The following PDE4B variants were observed in gnomAD, a reference collection of about 807,000 sequenced individuals.
The protein encoded by PDE4B is 3',5'-cyclic-AMP phosphodiesterase 4B.
A neutral mutation model predicts 82.2 loss-of-function variants in PDE4B; 20 were observed. The ratio of observed to expected loss-of-function variants is 0.24; its 90% confidence interval spans 0.17 to 0.35. The LOEUF is 0.35. PDE4B is among the 10% of genes least tolerant of loss of function. The pLI is 1.00. For synonymous variants in PDE4B, 320 were observed against 318.9 expected (o/e 1.00, Z -0.04); for missense variants, 655 against 907.2 (o/e 0.72, Z 3.57).
rs772385150 is a variant in PDE4B at position 66,373,445 on chromosome 1, G to C, written c.*767G>C. ...GGGGGTAGAAAGGAGCAGTGGTGTC[G>C]TTCACCGTGAGAGTCTGCATAGAAC... On this transcript the variant is annotated 3_prime_UTR_variant, in exon 17 of 17. Transcript: ENST00000341517. 6.6e-6 allele frequency: 1 copy of C among 152,616 alleles called. No individual in the cohort carries two copies. The highest frequency in any genetic ancestry group is 1.5e-5 in the Non-Finnish European group (1 of 68,096). The allele number at this position is 152,616 out of a possible 1,614,324, so 9.5% of individuals were successfully genotyped here. A position where few individuals can be genotyped will look rare whatever the true frequency, so the allele number is the denominator to read the frequency against.
chr1:66,024,719 A>T (rs1653341333), intron 3 of PDE4B, among the ~76,000 whole-genome samples: 1 of 152,098 alleles, frequency 6.6e-6, no homozygotes, highest in Non-Finnish European at 1.5e-5. Context: ...ATAGATGGAT[A>T]GATGAATCTT....
At chr1:66,305,357 A>G (rs1256635342) in intron 7 of PDE4B, among the ~76,000 whole-genome samples, 1 of 152,202 alleles carries the variant, frequency 6.6e-6, no homozygotes, top group Non-Finnish European at 1.5e-5. Flanking sequence ...AGAGATATGA[A>G]AAATAGTCTT....
chr1:66,140,430 A>G (rs1275974482), intron 3 of PDE4B, among the ~76,000 whole-genome samples: 1 of 152,254 alleles, frequency 6.6e-6, no homozygotes, highest in African/African-American at 2.4e-5. Flanking sequence ...TAAGCAGCAT[A>G]AAATATAATT....
chr1:65,960,667 A>G (rs4638095), intron 3 of PDE4B, among the ~76,000 whole-genome samples: 97,928 of 151,926 alleles, frequency 0.64, 31,702 homozygotes, highest in African/African-American at 0.68. Context: ...ACATTCAAAA[A>G]TAATGACCAT....
chr1:66,105,415 C>T lies in PDE4B; in HGVS notation c.282-142045C>T, dbSNP rs554088604. ...TTCTTTTGGCTTAGGATTGACTTGGCGATGCGGGCTCTTTTTTGGTTCCAT... is the reference window on the plus strand; with the variant it reads ...TTCTTTTGGCTTAGGATTGACTTGGTGATGCGGGCTCTTTTTTGGTTCCAT... On this transcript the variant is annotated intron_variant, in intron 3 of 16. Coordinates refer to ENST00000341517, the MANE Select transcript of PDE4B (RefSeq NM_002600.4). 1.8e-4 allele frequency among the ~76,000 whole-genome samples: 28 copies of T among 152,004 alleles called. No homozygotes were observed. The South Asian group carries it at 2.9e-3, about 16-fold the overall frequency.
intron 3 of PDE4B, among the ~76,000 whole-genome samples, chr1:65,945,701 A>C (rs1648678795): frequency 6.6e-6 from 1 of 151,956 alleles, no homozygotes; most frequent in Non-Finnish European, 1.5e-5. Context: ...TGTATGTAAG[A>C]CCACTTTCTA....
At chr1:65,834,366 G>A (rs756307578) in intron 1 of PDE4B, among the ~76,000 whole-genome samples, 1 of 152,160 alleles carries the variant, frequency 6.6e-6, no homozygotes, top group African/African-American at 2.4e-5. Context: ...TTTGGGATAT[G>A]ATGTTGAGTT....
chr1:66,313,355 A>G (rs986740891), intron 7 of PDE4B, among the ~76,000 whole-genome samples: 2 of 152,246 alleles, frequency 1.3e-5, no homozygotes, highest in African/African-American at 2.4e-5. Flanking sequence ...TAAGTGCCTC[A>G]GTGGCAGTGA....
At chr1:66,221,462 A>G (rs1431753259) in intron 3 of PDE4B, among the ~76,000 whole-genome samples, 2 of 152,200 alleles carry the variant, frequency 1.3e-5, no homozygotes, top group Non-Finnish European at 1.5e-5. Flanking sequence ...AATCCATGGT[A>G]CTTTACTTTT....
intron 1 of PDE4B, among the ~76,000 whole-genome samples, chr1:65,815,850 T>C (rs1201632299): frequency 6.6e-6 from 1 of 152,236 alleles, no homozygotes; most frequent in East Asian, 1.9e-4. Flanking sequence ...TACATATTGC[T>C]ATATAAGGAA....
chr1:66,248,477 T>C (rs896745926), intron 4 of PDE4B, among the ~76,000 whole-genome samples: 20 of 152,230 alleles, frequency 1.3e-4, no homozygotes, highest in African/African-American at 4.6e-4. Flanking sequence ...AATTTCACCC[T>C]CTGGTGAAAG....
intron 1 of PDE4B, among the ~76,000 whole-genome samples, chr1:65,842,331 A>G (rs778167981): frequency 1.3e-5 from 2 of 152,170 alleles, no homozygotes; most frequent in Admixed American, 6.6e-5. Flanking sequence ...TAATTCATAT[A>G]TGAAAGAGTT....
At chr1:65,955,673 C>A (rs958610528) in intron 3 of PDE4B, among the ~76,000 whole-genome samples, 1 of 152,140 alleles carries the variant, frequency 6.6e-6, no homozygotes, top group African/African-American at 2.4e-5. Flanking sequence ...GTTTATCTAG[C>A]AGCTTACCTG....
chr1:66,065,420 C>T lies in PDE4B; in HGVS notation c.281+146585C>T, dbSNP rs184338366. On this transcript the variant is annotated intron_variant, in intron 3 of 16. Coordinates refer to ENST00000341517, the MANE Select transcript of PDE4B (RefSeq NM_002600.4). ...GTGGGTGTATTTCAATTTAGAATAA[C>T]TTATGGTTGGGAAATAGCTTATGAT... 1.0e-3 allele frequency among the ~76,000 whole-genome samples: 156 copies of T among 151,936 alleles called. 1 individual carries two copies. The highest frequency in any genetic ancestry group is 3.9e-4 in the East Asian group (2 of 5,178).
intron 7 of PDE4B, among the ~76,000 whole-genome samples, chr1:66,292,975 G>A (rs768976518): frequency 6.6e-6 from 1 of 152,158 alleles, no homozygotes; most frequent in Admixed American, 6.5e-5. Context: ...AACAAACCCA[G>A]CTGTAATAGC....
At chr1:65,968,124 T>C (rs1649944999) in intron 3 of PDE4B, among the ~76,000 whole-genome samples, 1 of 152,150 alleles carries the variant, frequency 6.6e-6, no homozygotes, top group Non-Finnish European at 1.5e-5. Context: ...AGAAAGACTA[T>C]GGACCGAGAA....
At chr1:66,183,812 G>A (rs1570417220) in intron 3 of PDE4B, among the ~76,000 whole-genome samples, 1 of 152,124 alleles carries the variant, frequency 6.6e-6, no homozygotes, top group East Asian at 1.9e-4. Flanking sequence ...TGAGCTTAGA[G>A]AACTGAGGAC....
intron 1 of PDE4B, among the ~76,000 whole-genome samples, chr1:65,837,483 C>T (rs1395775920): frequency 6.6e-6 from 1 of 152,112 alleles, no homozygotes; most frequent in Non-Finnish European, 1.5e-5. Flanking sequence ...TGGCCCATGC[C>T]TGTGATCCCA....
At chr1:66,168,723 G>C (rs1473756197) in intron 3 of PDE4B, among the ~76,000 whole-genome samples, 1 of 152,204 alleles carries the variant, frequency 6.6e-6, no homozygotes, top group Admixed American at 6.5e-5. Flanking sequence ...CATTTCTAAA[G>C]AGTTATCTTA....
Sources: gnomAD v4.1 joint callset for allele counts (sites outside exome capture counted in the v4.1 genomes callset) on GRCh38, gnomAD v4.1.1 for gene constraint, MANE v1.5 for transcripts, NCBI Gene and HGNC (gene_info 2026-07-23, HGNC 2026-07-21) for gene names.